The following MICAL2 variants were observed in gnomAD, a reference collection of about 807,000 sequenced individuals.
MICAL2 encodes microtubule associated monooxygenase, calponin and LIM domain containing 2.
A neutral mutation model predicts 127.3 loss-of-function variants in MICAL2; 77 were observed. That is an observed-to-expected ratio of 0.60 (90% CI 0.50 to 0.73). MICAL2 has a LOEUF of 0.73. MICAL2 is among the 30% of genes least tolerant of loss of function. The probability of loss-of-function intolerance (pLI) is 0.00; values close to 1 mark genes in which losing one functional copy is unlikely to be tolerated. For missense variants in MICAL2, 1,351 were observed against 1,434.4 expected (o/e 0.94, Z 0.94); for synonymous variants, 570 against 551.1 (o/e 1.03, Z -0.48).
Position 12,224,744 on chromosome 11 carries a change from G to A in MICAL2, c.1612G>A (p.Val538Ile), listed in dbSNP as rs764594403. The change falls in exon 13 of 28, where the codon GTC (valine) becomes ATC (isoleucine). Residue 538 changes from valine to isoleucine, a missense_variant. Coordinates refer to ENST00000683283, the MANE Select transcript of MICAL2 (RefSeq NM_001282663.2). ...QQTEGYQHVN[V>I]TDLTTSWRSG... ...GACAGAGGGCTACCAGCATGTCAAC[G>A]TCACCGACCTGACCACATCCTGGCG... 5.0e-6 allele frequency: 8 copies of A among 1,614,092 alleles called. No homozygotes were observed. In the East Asian group the frequency reaches 6.7e-5, roughly 13 times the overall value.
At chr11:12,255,911 G>A (rs1358713703) in intron 23 of MICAL2, 161 bp downstream of exon 23, 1 of 578,446 alleles carries the variant, frequency 1.7e-6, no homozygotes, top group East Asian at 2.8e-5. Flanking sequence ...GAAGTTAAAA[G>A]GAGCCTGCTT....
intron 22 of MICAL2, chr11:12,249,798 C>G (rs1433292963): frequency 6.6e-6 from 1 of 152,348 alleles, no homozygotes; most frequent in Non-Finnish European, 1.5e-5. Context: ...GTAATCTTGG[C>G]TCAGTTCCAG....
At chr11:12,136,077 G>C (rs1851809397) in intron 1 of MICAL2, among the ~76,000 whole-genome samples, 1 of 152,124 alleles carries the variant, frequency 6.6e-6, no homozygotes, top group Non-Finnish European at 1.5e-5. Context: ...GGCTCCCGGA[G>C]TTCCTGTCAC....
intron 3 of MICAL2, among the ~76,000 whole-genome samples, chr11:12,203,277 T>C (rs1048177557): frequency 5.9e-5 from 9 of 152,236 alleles, no homozygotes; most frequent in African/African-American, 2.2e-4. Context: ...TATATATATC[T>C]AGGAGTGGAA....
downstream of MICAL2, chr11:12,293,953 G>A: frequency 6.2e-7 from 1 of 1,613,902 alleles, no homozygotes; most frequent in Non-Finnish European, 8.5e-7. Context: ...TGGTAAAGGA[G>A]AAGTTGGGCC....
upstream of MICAL2, among the ~76,000 whole-genome samples, chr11:12,272,566 G>A (rs1050880362): frequency 2.6e-5 from 4 of 152,152 alleles, 1 homozygote; most frequent in Non-Finnish European, 5.9e-5. Context: ...CACACAAGAA[G>A]CAAGGCATGG....
chr11:12,236,185 T>C lies in MICAL2; in HGVS notation c.2004T>C (p.Gly668=). 6.2e-7 allele frequency: 1 copy of C among 1,614,080 alleles called. No homozygotes were observed. The highest frequency in any genetic ancestry group is 8.5e-7 in the Non-Finnish European group (1 of 1,180,006). The change falls in exon 16 of 28, where the codon GGT becomes GGC. Residue 668 remains glycine, a synonymous_variant. Transcript: ENST00000683283. ...FPRKRTPRVD[G]QTGENDMNKR... ...TTTCTTGGCCATTGCAGGTGGATGG[T>C]CAAACCGGAGAGAATGACATGAACA...
chr11:12,210,415 A>C (rs1420221924), intron 6 of MICAL2, among the ~76,000 whole-genome samples: 2 of 152,190 alleles, frequency 1.3e-5, no homozygotes, highest in Non-Finnish European at 2.9e-5. Flanking sequence ...CAGATGCCTG[A>C]CTGAGAGGAT....
intron 3 of MICAL2, among the ~76,000 whole-genome samples, chr11:12,201,403 G>A (rs191927182): frequency 6.6e-6 from 1 of 151,548 alleles, no homozygotes; most frequent in Admixed American, 6.6e-5. Flanking sequence ...AGGGGAATGT[G>A]TTTTTTTAAG....
intron 29 of MICAL2, among the ~76,000 whole-genome samples, chr11:12,299,504 A>G (rs1018519972): frequency 4.6e-5 from 7 of 152,206 alleles, no homozygotes; most frequent in Non-Finnish European, 7.3e-5. Context: ...AATTAAATTA[A>G]TGGTGTACAT....
At chr11:12,122,179 A>G (rs1225601907) in intron 1 of MICAL2, among the ~76,000 whole-genome samples, 1 of 152,212 alleles carries the variant, frequency 6.6e-6, no homozygotes, top group African/African-American at 2.4e-5. Flanking sequence ...TCTCTGTAAA[A>G]TGGGAGTGAT....
At chr11:12,159,699 G>A (rs1398678068) in intron 2 of MICAL2, among the ~76,000 whole-genome samples, 1 of 152,172 alleles carries the variant, frequency 6.6e-6, no homozygotes, top group Non-Finnish European at 1.5e-5. Context: ...GTTCAATGCT[G>A]GGCACAGAAG....
intron 7 of MICAL2, among the ~76,000 whole-genome samples, chr11:12,214,192 T>C (rs1855861064): frequency 6.6e-6 from 1 of 152,184 alleles, no homozygotes; most frequent in Non-Finnish European, 1.5e-5. Flanking sequence ...GTCACCTCTC[T>C]CCAATTAAGT....
At position 12,322,816 on chromosome 11, in the gene MICAL2, G is replaced by A. The variant is rs893200197; in HGVS notation, c.5329-1162G>A. On this transcript the variant is annotated intron_variant, in intron 30 of 34. Transcript: ENST00000646065. ...ATTTAAAATATAATAATATACGAAT[G>A]CTATAAAAATCATGCTATTAGTATT... is the stretch of plus-strand genomic sequence containing the variant. Among the ~76,000 whole-genome samples the A allele has an allele frequency of 1.5e-4, 23 of 152,104 alleles. No homozygotes were observed. In the South Asian group the frequency reaches 3.3e-3, roughly 22 times the overall value.
At chr11:12,130,613 G>A (rs893464752) in intron 1 of MICAL2, among the ~76,000 whole-genome samples, 2 of 152,204 alleles carry the variant, frequency 1.3e-5, no homozygotes, top group Non-Finnish European at 2.9e-5. Flanking sequence ...GCAGGCATGA[G>A]GAATACAAAG....
intron 32 of MICAL2, among the ~76,000 whole-genome samples, chr11:12,338,083 G>A (rs527451695): frequency 6.6e-6 from 1 of 152,120 alleles, no homozygotes; most frequent in East Asian, 1.9e-4. Flanking sequence ...TATTGTGTGG[G>A]AGTCTAAGTC....
At chr11:12,318,068 T>A (rs1324459693) in intron 29 of MICAL2, among the ~76,000 whole-genome samples, 1 of 152,218 alleles carries the variant, frequency 6.6e-6, no homozygotes, top group Non-Finnish European at 1.5e-5. Flanking sequence ...AGATCAGTGA[T>A]GATGATCACG....
At chr11:12,218,483 G>A (rs1179176408) in intron 8 of MICAL2, among the ~76,000 whole-genome samples, 1 of 152,212 alleles carries the variant, frequency 6.6e-6, no homozygotes, top group African/African-American at 2.4e-5. Context: ...TCCACGCCAG[G>A]CACTGTCTTC....
downstream of MICAL2, among the ~76,000 whole-genome samples, chr11:12,293,272 C>A (rs191748364): frequency 6.6e-6 from 1 of 152,292 alleles, no homozygotes; most frequent in African/African-American, 2.4e-5. Context: ...ACAGCAGTGT[C>A]CTACCTTTGC....
Sources: gnomAD v4.1 joint callset for allele counts (sites outside exome capture counted in the v4.1 genomes callset) on GRCh38, gnomAD v4.1.1 for gene constraint, MANE v1.5 for transcripts, NCBI Gene and HGNC (gene_info 2026-07-23, HGNC 2026-07-21) for gene names.